The following RPS6KA6 variants were observed in gnomAD, a reference collection of about 807,000 sequenced individuals.
The protein encoded by RPS6KA6 is ribosomal protein S6 kinase A6.
In RPS6KA6, 27 loss-of-function variants were observed where a neutral mutation model predicts 65.4. The ratio of observed to expected loss-of-function variants is 0.41; its 90% confidence interval spans 0.30 to 0.57. The LOEUF is 0.57. Ranked by LOEUF, RPS6KA6 falls within the 20% of genes least tolerant of loss-of-function variation. The probability of loss-of-function intolerance (pLI) is 0.24; values close to 1 mark genes in which losing one functional copy is unlikely to be tolerated. For synonymous variants in RPS6KA6, 190 were observed against 184.2 expected (o/e 1.03, Z -0.26); for missense variants, 486 against 555.6 (o/e 0.87, Z 1.26).
intron 20 of RPS6KA6, among the ~76,000 whole-genome samples, chrX:84,065,670 C>G (rs2033384475): frequency 1.8e-5 from 2 of 112,114 alleles, no homozygotes; most frequent in African/African-American, 6.5e-5. Flanking sequence ...CTTATGTTAT[C>G]TCTGTTGCAA....
intron 2 of RPS6KA6, among the ~76,000 whole-genome samples, chrX:84,159,418 T>G (rs1400470302): frequency 9.0e-6 from 1 of 111,328 alleles, no homozygotes; most frequent in African/African-American, 3.3e-5. Context: ...ATAAGTGATA[T>G]ATTTCTTTTT....
At chrX:84,163,645 CAA>C (rs1184307765) in intron 2 of RPS6KA6, among the ~76,000 whole-genome samples, 12 of 46,992 alleles carry the variant, frequency 2.6e-4, no homozygotes, top group Admixed American at 3.0e-4. Flanking sequence ...GACTCCGTCT[CAA>C]AAAAAAAAAA....
rs2033269998 is a variant in RPS6KA6 at position 84,059,681 on chromosome X, T to C, written c.*4596A>G. The C allele has an allele frequency of 8.9e-6, 1 of 111,807 alleles. No individual in the cohort carries two copies. The highest frequency in any genetic ancestry group is 1.9e-5 in the Non-Finnish European group (1 of 53,184). The allele number at this position is 111,807 out of a possible 1,213,427, so 9.2% of individuals were successfully genotyped here. ...AATTGTCCACGTAAAATTAAATGCT[T>C]AATACCTTTTGAAGAATAAATTATT... On this transcript the variant is annotated 3_prime_UTR_variant, in exon 22 of 22. Coordinates refer to ENST00000262752, the MANE Select transcript of RPS6KA6 (RefSeq NM_014496.5).
intron 20 of RPS6KA6, among the ~76,000 whole-genome samples, chrX:84,082,304 A>G (rs957952630): frequency 7.3e-4 from 82 of 111,628 alleles, no homozygotes; most frequent in African/African-American, 2.6e-3. Flanking sequence ...CACCAATAAC[A>G]GACAAAAAGA....
chrX:84,160,408 AC>A (rs2147596987), intron 2 of RPS6KA6, among the ~76,000 whole-genome samples: 1 of 111,447 alleles, frequency 9.0e-6, no homozygotes, highest in African/African-American at 3.2e-5. Flanking sequence ...TCATTTGATA[AC>A]TGATTTGTTT....
At chrX:84,182,061 T>A (rs58080769) in intron 1 of RPS6KA6, among the ~76,000 whole-genome samples, 3,542 of 77,351 alleles carry the variant, frequency 0.046, 188 homozygotes, top group African/African-American at 0.17. Flanking sequence ...TCTCTCTCTC[T>A]CTCACACACA....
intron 13 of RPS6KA6, 30 bp downstream of exon 13, chrX:84,107,593 T>A (rs190064392): frequency 5.5e-6 from 5 of 902,525 alleles, no homozygotes; most frequent in Non-Finnish European, 7.8e-6. Flanking sequence ...TTAAATAAAA[T>A]CTCTGATTTT....
In RPS6KA6 at chrX:84,060,324, T is replaced by TA. The variant is rs1491259924; in HGVS notation, c.*3952_*3953insT. ...CAATATATACTTAATATGGCTTGCATTTTTTTTTTTTTTTTTTTGAAATAA... is the reference window on the plus strand; with the variant it reads ...CAATATATACTTAATATGGCTTGCATATTTTTTTTTTTTTTTTTTGAAATAA... On this transcript the variant is annotated 3_prime_UTR_variant, in exon 22 of 22. Coordinates refer to ENST00000262752, the MANE Select transcript of RPS6KA6 (RefSeq NM_014496.5). 1 of 67,303 alleles carries TA rather than the reference T, an allele frequency of 1.5e-5. No individual in the cohort carries two copies. The highest frequency in any genetic ancestry group is 8.7e-5 in the African/African-American group (1 of 11,528). The allele number at this position is 67,303 out of a possible 1,213,427, so 5.5% of individuals were successfully genotyped here.
intron 12 of RPS6KA6, among the ~76,000 whole-genome samples, chrX:84,108,781 C>A (rs1330698351): frequency 8.9e-6 from 1 of 111,825 alleles, no homozygotes; most frequent in Non-Finnish European, 1.9e-5. Flanking sequence ...TGCCACCTCA[C>A]TAGGCAGGGA....
chrX:84,146,095 G>T (rs2035194116), intron 5 of RPS6KA6, among the ~76,000 whole-genome samples: 1 of 110,852 alleles, frequency 9.0e-6, no homozygotes, highest in African/African-American at 3.3e-5. Flanking sequence ...ATTTCTTGAG[G>T]TCAAAAAGTG....
chrX:84,137,535 T>C (rs758302695), intron 6 of RPS6KA6, among the ~76,000 whole-genome samples: 1 of 111,610 alleles, frequency 9.0e-6, no homozygotes, highest in South Asian at 3.8e-4. Flanking sequence ...ACATACACGA[T>C]AAAATTATTT....
At position 84,060,012 on chromosome X, in the gene RPS6KA6, C is replaced by G. The variant is rs2033276667; in HGVS notation, c.*4265G>C. ...CCCTTTTCTCTTATGTATTAGCAAC[C>G]AAACTGAATTTTAGGTGATCAAGCA... On this transcript the variant is annotated 3_prime_UTR_variant, in exon 22 of 22. Transcript: ENST00000262752. 1 of 111,351 alleles carries G rather than the reference C, an allele frequency of 9.0e-6. No individual in the cohort carries two copies. The highest frequency in any genetic ancestry group is 3.3e-5 in the African/African-American group (1 of 30,642). The allele number at this position is 111,351 out of a possible 1,213,427, so 9.2% of individuals were successfully genotyped here.
At chrX:84,080,802 TG>T (rs1229451278) in intron 20 of RPS6KA6, among the ~76,000 whole-genome samples, 3 of 110,875 alleles carry the variant, frequency 2.7e-5, no homozygotes, top group Non-Finnish European at 3.8e-5. Context: ...GCAATCAAAC[TG>T]GAACTCAGGA....
chrX:84,101,587 T>C (rs1396117123), intron 18 of RPS6KA6, among the ~76,000 whole-genome samples: 3 of 111,243 alleles, frequency 2.7e-5, no homozygotes, highest in Non-Finnish European at 5.7e-5. Flanking sequence ...ATGTTATTTA[T>C]AATGCTAATC....
At chrX:84,100,426 TTGA>T (rs1343674677) in intron 18 of RPS6KA6, among the ~76,000 whole-genome samples, 10 of 111,442 alleles carry the variant, frequency 9.0e-5, no homozygotes, top group African/African-American at 3.2e-4. Context: ...ATGTCTGTTG[TTGA>T]TATGTTCATA....
chrX:84,164,347 C>T lies in RPS6KA6; in HGVS notation c.122G>A (p.Gly41Glu), dbSNP rs368124048. ...ACTTACATGACAAGAATCTGCTTCT[C>T]CCTCTTCCATTGGCTCATCAACCAT... ...LKMVDEPMEE[G>E]EADSCHDEGV... is the part of the protein sequence containing the mutation. Residue 41 changes from glycine (G) to glutamate (E), a missense_variant, in exon 2 of 22, where the codon GGA becomes GAA. Gly to Glu is a moderately conservative substitution (Grantham distance 98). Coordinates refer to ENST00000262752, the MANE Select transcript of RPS6KA6 (RefSeq NM_014496.5). 14 of 1,195,656 alleles carry T rather than the reference C, an allele frequency of 1.2e-5. No homozygotes were observed. The African/African-American group carries it at 2.5e-4, about 21-fold the overall frequency.
At chrX:84,152,700 T>C (rs2035349339) in intron 3 of RPS6KA6, among the ~76,000 whole-genome samples, 1 of 111,508 alleles carries the variant, frequency 9.0e-6, no homozygotes, top group Non-Finnish European at 1.9e-5. Flanking sequence ...AACTGTGAAC[T>C]TGAGGACAGA....
chrX:84,171,846 C>T (rs931970694), intron 1 of RPS6KA6, among the ~76,000 whole-genome samples: 1 of 110,506 alleles, frequency 9.0e-6, no homozygotes, highest in Non-Finnish European at 1.9e-5. Flanking sequence ...CGCCAACCCC[C>T]GACATACCCC....
intron 20 of RPS6KA6, among the ~76,000 whole-genome samples, chrX:84,069,462 T>A (rs1194548527): frequency 8.9e-6 from 1 of 111,816 alleles, no homozygotes; most frequent in Non-Finnish European, 1.9e-5. Context: ...ATAAAAGCCC[T>A]ACAAGAAAAC....
Sources: gnomAD v4.1 joint callset for allele counts (sites outside exome capture counted in the v4.1 genomes callset) on GRCh38, gnomAD v4.1.1 for gene constraint, MANE v1.5 for transcripts, NCBI Gene and HGNC (gene_info 2026-07-23, HGNC 2026-07-21) for gene names.